SPHK2: variants seen among roughly 807,000 people sequenced by gnomAD.
The protein encoded by SPHK2 is sphingosine kinase 2.
In SPHK2, 18 loss-of-function variants were observed where a neutral mutation model predicts 32.3. The observed-to-expected ratio is 0.56, with a 90% CI of 0.39 to 0.83. The LOEUF (loss-of-function observed/expected upper bound fraction) is 0.83, where lower values mean the gene tolerates loss of function less well. Among genes scored for constraint, SPHK2 ranks in the 40% least tolerant of loss-of-function variants. The probability of loss-of-function intolerance (pLI) is 0.00; values close to 1 mark genes in which losing one functional copy is unlikely to be tolerated. For synonymous variants in SPHK2, 462 were observed against 417.6 expected (o/e 1.11, Z -1.30); for missense variants, 850 against 908.7 (o/e 0.94, Z 0.83).
rs1161577403 is a variant in SPHK2 at position 48,629,726 on chromosome 19, G to T, written c.1918G>T (p.Gly640Cys). The stretch of plus-strand genomic sequence containing the variant: ...ACAGGCACAGATGCACCCTGGCATC[G>T]GTACACTGCTCACTGGGCCTCCTGG... ...PLQAQMHPGI[G>C]TLLTGPPGCP... Residue 640 changes from glycine (G) to cysteine (C), a missense_variant, in exon 7 of 7, where the codon GGT (glycine) becomes TGT (cysteine). Transcript: ENST00000245222. The T allele has an allele frequency of 6.2e-7, 1 of 1,602,502 alleles. No homozygotes were observed. The highest frequency in any genetic ancestry group is 2.2e-5 in the East Asian group (1 of 44,642).
Position 48,625,901 on chromosome 19 carries a change from A to AGGAGCTGACCG in SPHK2, c.58_68dup (p.Trp23Ter). The AGGAGCTGACCG allele has an allele frequency of 1.2e-6, 2 of 1,612,028 alleles. No homozygotes were observed. The stretch of plus-strand genomic sequence containing the variant: ...CCTCCCTTCCCACAGAGGCCAGACC[A>AGGAGCTGACCG]GGAGCTGACCGGGAGCTGGGGCCAC... On this transcript the variant is annotated frameshift_variant, in exon 3 of 7. Transcript: ENST00000245222. LOFTEE classifies it high-confidence loss of function.
At position 48,628,173 on chromosome 19, in the gene SPHK2, G is replaced by C. The variant is rs1194158529; in HGVS notation, c.768G>C (p.Gly256=). The part of the protein sequence containing the change: ...GDGLLHEVLN[G]LLDRPDWEEA... Reference sequence around the variant, plus strand: ...CTCCCACCCTCCAGGTGCTGAACGGGCTCCTAGATCGCCCTGACTGGGAGG... The same window carrying C: ...CTCCCACCCTCCAGGTGCTGAACGGCCTCCTAGATCGCCCTGACTGGGAGG... The change falls in exon 6 of 7, where the codon GGG becomes GGC. Residue 256 remains glycine, a synonymous_variant. Coordinates refer to ENST00000245222, the MANE Select transcript of SPHK2 (RefSeq NM_020126.5). The surrounding 1 kb of genome is among the most constrained non-coding windows in gnomAD (Gnocchi z 5.2). The C allele has an allele frequency of 6.2e-7, 1 of 1,613,508 alleles. No homozygotes were observed. The highest frequency in any genetic ancestry group is 8.5e-7 in the Non-Finnish European group (1 of 1,179,744).
At chr19:48,623,517 G>T in intron 2 of SPHK2, 1 of 152,206 alleles carries the variant, frequency 6.6e-6, no homozygotes. Context: ...TCTTTGCCTC[G>T]GTGCATCTGT....
At chr19:48,625,125 G>A in intron 2 of SPHK2, 2 of 991,308 alleles carry the variant, frequency 2.0e-6, no homozygotes, top group Admixed American at 1.2e-4. Flanking sequence ...GCAGGCGCTC[G>A]CATGTGGCTC....
chr19:48,622,283 TAAAG>T (rs1974439776), intron 2 of SPHK2, among the ~76,000 whole-genome samples: 1 of 147,594 alleles, frequency 6.8e-6, no homozygotes, highest in Non-Finnish European at 1.5e-5. Context: ...TAAAAAAAAA[TAAAG>T]GACTCAATCT....
intron 2 of SPHK2, chr19:48,620,880 C>T (rs965276704): frequency 3.2e-5 from 7 of 220,702 alleles, no homozygotes; most frequent in African/African-American, 7.0e-5. Context: ...GCCGAGATCG[C>T]GCTGCACTCC....
In SPHK2 at chr19:48,625,980, A is replaced by G. The variant is rs772947316; in HGVS notation, c.129A>G (p.Pro43=). The G allele has an allele frequency of 6.2e-6, 10 of 1,612,918 alleles. No homozygotes were observed. In the South Asian group the frequency reaches 1.1e-4, roughly 18 times the overall value. The change falls in exon 3 of 7, where the codon CCA becomes CCG. Residue 43 remains proline (P), a synonymous_variant. Transcript: ENST00000245222. ...AGGCCATGGCCCCGCCCCCACCGCC[A>G]CTGGCTGCCAGCACCCCGCTCCTCC... is the stretch of plus-strand genomic sequence containing the variant. ...RAKAMAPPPP[P]LAASTPLLHG...
Position 48,628,135 on chromosome 19 carries a change from C to G in SPHK2, c.757-27C>G, listed in dbSNP as rs779463260. On this transcript the variant is annotated intron_variant, in intron 5 of 6. Coordinates refer to ENST00000245222, the MANE Select transcript of SPHK2 (RefSeq NM_020126.5). The surrounding 1 kb of genome is among the most constrained non-coding windows in gnomAD (Gnocchi z 5.2). ...GGACTATAGAGACTGCCACCAGGAC[C>G]CAGGCTTCTGGTCTCCCACCCTCCA... 1 of 1,603,796 alleles carries G rather than the reference C, an allele frequency of 6.2e-7. No homozygotes were observed. Among genetic ancestry groups the G allele is most frequent in the East Asian group, 2.2e-5 (1 of 44,726 alleles).
Position 48,629,284 on chromosome 19 carries a change from A to G in SPHK2, c.1476A>G (p.Val492=). The G allele has an allele frequency of 1.9e-6, 3 of 1,613,418 alleles. No individual in the cohort carries two copies. Among genetic ancestry groups the G allele is most frequent in the Non-Finnish European group, 2.5e-6 (3 of 1,179,930 alleles). The change falls in exon 7 of 7, where the codon GTA becomes GTG. Residue 492 remains valine (V), a synonymous_variant. Coordinates refer to ENST00000245222, the MANE Select transcript of SPHK2 (RefSeq NM_020126.5). ...LHSPVSEGAP[V]IPPSSGLPLP... Reference sequence around the variant, plus strand: ...CACCCGTCTCCGAAGGGGCCCCCGTAATTCCCCCATCCTCTGGGCTCCCAC... The same window carrying G: ...CACCCGTCTCCGAAGGGGCCCCCGTGATTCCCCCATCCTCTGGGCTCCCAC...
At chr19:48,620,871 C>T (rs1019153478) in intron 2 of SPHK2, 32 of 244,856 alleles carry the variant, frequency 1.3e-4, no homozygotes, top group South Asian at 3.0e-4. Context: ...TTGCAGTGAG[C>T]CGAGATCGCG....
At position 48,628,907 on chromosome 19, in the gene SPHK2, G is replaced by A. The variant is rs369266194; in HGVS notation, c.1099G>A (p.Ala367Thr). ...CACACTGGGCACGGTGCTGGGCCTCGCCACACTGCACACCTACCGCGGACG... is the reference window on the plus strand; with the variant it reads ...CACACTGGGCACGGTGCTGGGCCTCACCACACTGCACACCTACCGCGGACG... ...RFTLGTVLGL[A>T]TLHTYRGRLS... The change falls in exon 7 of 7, where the codon GCC (alanine) becomes ACC (threonine). Residue 367 changes from alanine to threonine, a missense_variant. Ala to Thr is a moderately conservative substitution (Grantham distance 58, BLOSUM62 0). Around this residue, in one of 2 missense-constraint regions of SPHK2, gnomAD observed 544 missense variants for 640.0 expected, o/e 0.85. Transcript: ENST00000245222. The surrounding 1 kb of genome is among the most constrained non-coding windows in gnomAD (Gnocchi z 5.2). 2.4e-5 allele frequency: 38 copies of A among 1,613,278 alleles called. No individual in the cohort carries two copies. In the African/African-American group the frequency reaches 3.5e-4, roughly 15 times the overall value.
Position 48,629,575 on chromosome 19 carries a change from T to C in SPHK2, c.1767T>C (p.Arg589=). Residue 589 remains arginine (R), a synonymous_variant, in exon 7 of 7, where the codon CGT becomes CGC. Transcript: ENST00000245222. Reference sequence around the variant, plus strand: ...TGCGCCTTTTCTTGGCCATGGAGCGTGGTAGCCACTTCAGCCTGGGCTGTC... The same window carrying C: ...TGCGCCTTTTCTTGGCCATGGAGCGCGGTAGCCACTTCAGCCTGGGCTGTC... The part of the protein sequence containing the change: ...ALLRLFLAME[R]GSHFSLGCPQ... 1 of 1,599,202 alleles carries C rather than the reference T, an allele frequency of 6.3e-7. No homozygotes were observed.
chr19:48,622,931 A>C (rs917414383), intron 2 of SPHK2, among the ~76,000 whole-genome samples: 2 of 150,876 alleles, frequency 1.3e-5, no homozygotes, highest in Non-Finnish European at 3.0e-5. Context: ...CACCTGGCTA[A>C]TTTTTGTATT....
chr19:48,621,642 C>A (rs943260890), intron 2 of SPHK2, among the ~76,000 whole-genome samples: 5 of 151,822 alleles, frequency 3.3e-5, no homozygotes, highest in African/African-American at 1.2e-4. Flanking sequence ...TGCACTGGCC[C>A]AGTCAGATTA....
chr19:48,626,370 G>A lies in SPHK2; in HGVS notation c.511+8G>A, dbSNP rs780986813. 1 of 1,563,598 alleles carries A rather than the reference G, an allele frequency of 6.4e-7. No homozygotes were observed. The highest frequency in any genetic ancestry group is 8.6e-7 in the Non-Finnish European group (1 of 1,164,946). Reference sequence around the variant, plus strand: ...CACTGCCCGGGGATGGGGGTGAGGTGCTGGGCAGCTGCTCTATCCTGGAGC... The same window carrying A: ...CACTGCCCGGGGATGGGGGTGAGGTACTGGGCAGCTGCTCTATCCTGGAGC... On this transcript the variant is annotated splice_region_variant and intron_variant, in intron 3 of 6. Transcript: ENST00000245222.
At position 48,629,606 on chromosome 19, in the gene SPHK2, C is replaced by G; in HGVS notation, c.1798C>G (p.Leu600Val). The change falls in exon 7 of 7, where the codon CTG (leucine) becomes GTG (valine). Residue 600 changes from leucine to valine, a missense_variant. Physicochemically the swap from Leu to Val is conservative, Grantham distance 32. Transcript: ENST00000245222. ...GSHFSLGCPQ[L>V]GYAAARAFRL... ...CCACTTCAGCCTGGGCTGTCCGCAG[C>G]TGGGCTACGCCGCGGCCCGTGCCTT... 6.3e-7 allele frequency: 1 copy of G among 1,599,060 alleles called. No individual in the cohort carries two copies. The highest frequency in any genetic ancestry group is 8.5e-7 in the Non-Finnish European group (1 of 1,173,282).
intron 2 of SPHK2, chr19:48,625,539 A>G (rs1219016724): frequency 8.6e-6 from 11 of 1,284,998 alleles, no homozygotes; most frequent in African/African-American, 1.5e-5. Flanking sequence ...GTATATTTCA[A>G]TCCTTTCTCT....
At chr19:48,620,722 G>A (rs1049018564) in intron 2 of SPHK2, 169 bp downstream of exon 2, 6 of 586,628 alleles carry the variant, frequency 1.0e-5, no homozygotes, top group East Asian at 2.9e-5. Flanking sequence ...CCAGGAGTTC[G>A]AGATCAGCCT....
chr19:48,628,033 C>T lies in SPHK2; in HGVS notation c.720C>T (p.Gly240=). 1.3e-6 allele frequency: 2 copies of T among 1,595,812 alleles called. No individual in the cohort carries two copies. The highest frequency in any genetic ancestry group is 1.7e-6 in the Non-Finnish European group (2 of 1,167,700). Residue 240 remains glycine (G), a synonymous_variant, in exon 5 of 7, where the codon GGC becomes GGT. Coordinates refer to ENST00000245222, the MANE Select transcript of SPHK2 (RefSeq NM_020126.5). The surrounding 1 kb of genome is among the most constrained non-coding windows in gnomAD (Gnocchi z 5.2). ...GGCTGAGCCTGAGTGAGTGGGATGG[C>T]ATCGTCACGGTCTCGGGAGACGGGC... ...VQGLSLSEWD[G]IVTVSGDGLL...
Sources: allele counts gnomAD v4.1 joint callset (sites outside exome capture counted in the v4.1 genomes callset), GRCh38; gene constraint gnomAD v4.1.1; regional missense constraint gnomAD v4.1.1; non-coding constraint Gnocchi (gnomAD v3.1); transcripts MANE v1.5; gene names NCBI Gene and HGNC (gene_info 2026-07-23, HGNC 2026-07-21).